Variants in HECW2 observed in about 807,000 individuals in gnomAD.
The protein encoded by HECW2 is HECT, C2 and WW domain containing E3 ubiquitin protein ligase 2.
HECW2 carries 61 observed loss-of-function variants against 175.2 expected under a neutral mutation model. That is an observed-to-expected ratio of 0.35 (90% CI 0.28 to 0.43). HECW2 has a LOEUF of 0.43. Among genes scored for constraint, HECW2 ranks in the 20% least tolerant of loss-of-function variants. HECW2 has a pLI of 1.00. For synonymous variants in HECW2, 671 were observed against 731.0 expected (o/e 0.92, Z 1.32); for missense variants, 1,524 against 2,000.5 (o/e 0.76, Z 4.54).
chr2:196,352,633 C>T (rs1047541711), intron 2 of HECW2, among the ~76,000 whole-genome samples: 10 of 152,112 alleles, frequency 6.6e-5, no homozygotes, highest in African/African-American at 2.4e-4. Context: ...TAGATCCAAA[C>T]TGGGTGACAT....
chr2:196,317,697 A>T (rs568254841), intron 9 of HECW2, among the ~76,000 whole-genome samples: 435 of 97,708 alleles, frequency 4.5e-3, no homozygotes, highest in African/African-American at 0.017. Flanking sequence ...ACAAAATTTA[A>T]AAAAAAAAAG....
rs144986580 is a variant in HECW2 at position 196,339,407 on chromosome 2, C to T, written c.400+4250G>A. Reference sequence around the variant, plus strand: ...GCTGGGATGGGTAAGTATGTGAAATCGCTATGTAATTTATACAAATATCAG... The same window carrying T: ...GCTGGGATGGGTAAGTATGTGAAATTGCTATGTAATTTATACAAATATCAG... On this transcript the variant is annotated intron_variant, in intron 3 of 28. Transcript: ENST00000644978. 2.6e-3 allele frequency among the ~76,000 whole-genome samples: 396 copies of T among 152,302 alleles called. 3 individuals are homozygous for T. Among genetic ancestry groups the T allele is most frequent in the African/African-American group, 8.9e-3 (370 of 41,550 alleles).
At chr2:196,457,272 A>G in intron 1 of HECW2, among the ~76,000 whole-genome samples, 1 of 152,234 alleles carries the variant, frequency 6.6e-6, no homozygotes, top group East Asian at 1.9e-4. Context: ...AAGGGCCCTC[A>G]GAGAGAATCT....
intron 23 of HECW2, among the ~76,000 whole-genome samples, chr2:196,222,660 C>T (rs1429269195): frequency 6.6e-6 from 1 of 152,168 alleles, no homozygotes; most frequent in Middle Eastern, 3.2e-3. Flanking sequence ...AATGCCAGAT[C>T]AGGAACTGGC....
chr2:196,473,853 C>T (rs1186587311), intron 1 of HECW2, among the ~76,000 whole-genome samples: 1 of 152,210 alleles, frequency 6.6e-6, no homozygotes, highest in Admixed American at 6.5e-5. Flanking sequence ...TAACATTCTC[C>T]AACTGCTTCC....
chr2:196,270,733 ACT>A (rs1372008790), intron 17 of HECW2, among the ~76,000 whole-genome samples: 2 of 150,788 alleles, frequency 1.3e-5, no homozygotes, highest in Non-Finnish European at 3.0e-5. Context: ...ACAAAGTCTC[ACT>A]CTGTCGCCAG....
chr2:196,543,307 G>C (rs1449851370), intron 1 of HECW2, among the ~76,000 whole-genome samples: 2 of 149,010 alleles, frequency 1.3e-5, no homozygotes, highest in African/African-American at 5.0e-5. Flanking sequence ...TAAATTTGTT[G>C]TTTTTGGTAA....
intron 18 of HECW2, 77 bp from the exon 19 acceptor site, chr2:196,254,106 T>A: frequency 1.3e-6 from 2 of 1,566,074 alleles, no homozygotes; most frequent in Non-Finnish European, 8.7e-7. Context: ...AGGAGTAGAA[T>A]ATTCCATCCA....
At chr2:196,258,634 A>G (rs1435809456) in intron 17 of HECW2, among the ~76,000 whole-genome samples, 2 of 152,060 alleles carry the variant, frequency 1.3e-5, no homozygotes, top group Admixed American at 1.3e-4. Flanking sequence ...TCATGTCACT[A>G]TTTTCAATTT....
intron 1 of HECW2, among the ~76,000 whole-genome samples, chr2:196,477,167 G>A (rs13399004): frequency 6.7e-6 from 1 of 149,490 alleles, no homozygotes; most frequent in African/African-American, 2.5e-5. Context: ...AAAAAAATTA[G>A]AAGTAATATC....
chr2:196,257,988 T>G (rs529920989), intron 17 of HECW2, 82 bp from the exon 18 acceptor site: 2 of 969,850 alleles, frequency 2.1e-6, no homozygotes, highest in Admixed American at 3.8e-5. Flanking sequence ...TTTTTTATAA[T>G]AGTCATGATG....
rs887830815 is a variant in HECW2 at position 196,198,069 on chromosome 2, C to T, written c.*3208G>A. The T allele has an allele frequency of 1.3e-5, 2 of 152,072 alleles. No individual in the cohort carries two copies. The highest frequency in any genetic ancestry group is 6.6e-5 in the Admixed American group (1 of 15,264). 9.4% of individuals were successfully genotyped at this position (152,072 alleles called of 1,614,324 possible). A position where few individuals can be genotyped will look rare whatever the true frequency, so the allele number is the denominator to read the frequency against. ...TGTGCACAAGAAAAATGTTTTGACC[C>T]CAGAAGTGGTTTGGGCTCAGGGATT... On this transcript the variant is annotated 3_prime_UTR_variant, in exon 29 of 29. Coordinates refer to ENST00000644978, the MANE Select transcript of HECW2 (RefSeq NM_001348768.2).
intron 23 of HECW2, among the ~76,000 whole-genome samples, chr2:196,224,476 C>T (rs1209682529): frequency 6.6e-6 from 1 of 151,900 alleles, no homozygotes; most frequent in Non-Finnish European, 1.5e-5. Context: ...GCTTCAGGTA[C>T]ACCAAGACTT....
intron 1 of HECW2, among the ~76,000 whole-genome samples, chr2:196,591,021 T>C (rs1003632358): frequency 2.6e-5 from 4 of 152,182 alleles, no homozygotes; most frequent in Non-Finnish European, 5.9e-5. Context: ...AAAACTAGCT[T>C]TGTGATCTGG....
At chr2:196,517,194 A>G (rs1688181813) in intron 1 of HECW2, among the ~76,000 whole-genome samples, 3 of 152,196 alleles carry the variant, frequency 2.0e-5, no homozygotes, top group Admixed American at 2.0e-4. Flanking sequence ...AATATCCCTC[A>G]GGCTCATTAA....
intron 1 of HECW2, among the ~76,000 whole-genome samples, chr2:196,467,780 A>G (rs1697020636): frequency 6.6e-6 from 1 of 152,070 alleles, no homozygotes; most frequent in African/African-American, 2.4e-5. Context: ...TCACCCTCTA[A>G]TTCCTCTTCT....
intron 19 of HECW2, among the ~76,000 whole-genome samples, chr2:196,247,631 T>A (rs1344033367): frequency 6.6e-6 from 1 of 152,186 alleles, no homozygotes; most frequent in Admixed American, 6.5e-5. Flanking sequence ...GCTAGGCAGG[T>A]CTAAAGAACT....
In HECW2 at chr2:196,194,809, A is replaced by G. The variant is rs1383552836; in HGVS notation, c.*6468T>C. On this transcript the variant is annotated 3_prime_UTR_variant, in exon 29 of 29. Coordinates refer to ENST00000644978, the MANE Select transcript of HECW2 (RefSeq NM_001348768.2). The stretch of plus-strand genomic sequence containing the variant: ...CGCAAAAACTGAAATACCACTATTA[A>G]CTGTGACACACTGTGTGGTGAACGT... The G allele has an allele frequency of 6.6e-6, 1 of 152,212 alleles. No individual in the cohort carries two copies. The highest frequency in any genetic ancestry group is 1.5e-5 in the Non-Finnish European group (1 of 68,020). The allele number at this position is 152,212 out of a possible 1,614,324, so 9.4% of individuals were successfully genotyped here. A position where few individuals can be genotyped will look rare whatever the true frequency, so the allele number is the denominator to read the frequency against.
At chr2:196,435,878 G>T (rs778732245) in intron 1 of HECW2, among the ~76,000 whole-genome samples, 1 of 152,194 alleles carries the variant, frequency 6.6e-6, no homozygotes, top group Non-Finnish European at 1.5e-5. Flanking sequence ...TATAGTAAGT[G>T]CTTGGTCAAG....
Sources: allele counts gnomAD v4.1 joint callset (sites outside exome capture counted in the v4.1 genomes callset), GRCh38; gene constraint gnomAD v4.1.1; transcripts MANE v1.5; gene names NCBI Gene and HGNC (gene_info 2026-07-23, HGNC 2026-07-21).